Variants in MYO5A observed in about 807,000 individuals in gnomAD.
MYO5A encodes the protein myosin VA, also known as unconventional myosin-Va.
MYO5A carries 98 observed loss-of-function variants against 249.7 expected under a neutral mutation model. That is an observed-to-expected ratio of 0.39 (90% confidence interval 0.33 to 0.46). The LOEUF is 0.46. Ranked by LOEUF, MYO5A falls within the 20% of genes least tolerant of loss-of-function variation. MYO5A has a pLI of 0.98. For synonymous variants in MYO5A, 778 were observed against 810.6 expected (o/e 0.96, Z 0.68); for missense variants, 1,696 against 2,308.8 (o/e 0.73, Z 5.44).
chr15:52,438,675 C>T (rs894968274), intron 1 of MYO5A, among the ~76,000 whole-genome samples: 4 of 152,212 alleles, frequency 2.6e-5, no homozygotes, highest in Non-Finnish European at 5.9e-5. Flanking sequence ...AATCATCTAT[C>T]GCCTAAGAGC....
In MYO5A at chr15:52,345,459, C is replaced by G. The variant is rs2039575216; in HGVS notation, c.3959+902G>C. Among the ~76,000 whole-genome samples the G allele has an allele frequency of 2.6e-5, 4 of 151,896 alleles. No individual in the cohort carries two copies. The South Asian group carries it at 8.3e-4, about 32-fold the overall frequency. ...AATTAGTCGGGTGTGGTGGTGGGCACCTATAATCCCAGCTACTCGAGAGGC... is the reference window on the plus strand; with the variant it reads ...AATTAGTCGGGTGTGGTGGTGGGCAGCTATAATCCCAGCTACTCGAGAGGC... On this transcript the variant is annotated intron_variant, in intron 30 of 41. Coordinates refer to ENST00000399233, the MANE Select transcript of MYO5A (RefSeq NM_001382347.1).
intron 1 of MYO5A, chr15:52,505,988 C>A: frequency 1.2e-6 from 1 of 812,460 alleles, no homozygotes; most frequent in Non-Finnish European, 1.9e-6. Context: ...CTGAGGAGGG[C>A]AGATATCTTG....
chr15:52,371,234 T>C (rs1193799803), intron 21 of MYO5A, among the ~76,000 whole-genome samples: 1 of 152,210 alleles, frequency 6.6e-6, no homozygotes, highest in Non-Finnish European at 1.5e-5. Context: ...CCCATTTCAT[T>C]CTGATCCCTG....
At position 52,323,474 on chromosome 15, in the gene MYO5A, T is replaced by G. The variant is rs201263809; in HGVS notation, c.4711-30A>C. ...AAGAGAGAATAAGTCTAAACTTGCC[T>G]TTTCCTTAGGGAAATAACAACCTAA... On this transcript the variant is annotated intron_variant, in intron 36 of 41. Coordinates refer to ENST00000399233, the MANE Select transcript of MYO5A (RefSeq NM_001382347.1). 214 of 1,561,692 alleles carry G rather than the reference T, an allele frequency of 1.4e-4. No homozygotes were observed. In the East Asian group the frequency reaches 4.7e-3, roughly 34 times the overall value.
At position 52,337,837 on chromosome 15, in the gene MYO5A, A is replaced by T; in HGVS notation, c.4287T>A (p.Tyr1429Ter). 6.5e-7 allele frequency: 1 copy of T among 1,544,698 alleles called. No individual in the cohort carries two copies. The highest frequency in any genetic ancestry group is 8.7e-7 in the Non-Finnish European group (1 of 1,142,882). Residue 1429 changes from tyrosine to a stop codon, truncating the protein, a stop_gained, in exon 33 of 42, where the codon TAT (tyrosine) becomes TAA (stop). Coordinates refer to ENST00000399233, the MANE Select transcript of MYO5A (RefSeq NM_001382347.1). LOFTEE classifies it high-confidence loss of function. Reference sequence around the variant, plus strand: ...TCATCCGTTTGTAAAGGGAAATCCGATATGATTGATACTTCTTAGGGTCAT... The same window carrying T: ...TCATCCGTTTGTAAAGGGAAATCCGTTATGATTGATACTTCTTAGGGTCAT... The part of the protein sequence containing the change: ...YADDPKKYQS[Y>*]RISLYKRMID...
rs989676804 is a variant in MYO5A at position 52,472,891 on chromosome 15, C to G, written c.28-39606G>C. On this transcript the variant is annotated intron_variant, in intron 1 of 41. Coordinates refer to ENST00000399233, the MANE Select transcript of MYO5A (RefSeq NM_001382347.1). ...TCTTTATAGCAGCATGACTTATAATCCTTTGGGTATATACCCAGTAATGGG... is the reference window on the plus strand; with the variant it reads ...TCTTTATAGCAGCATGACTTATAATGCTTTGGGTATATACCCAGTAATGGG... Among the ~76,000 whole-genome samples the G allele has an allele frequency of 3.4e-4, 52 of 152,162 alleles. 1 individual carries two copies. Among genetic ancestry groups the G allele is most frequent in the Admixed American group, 2.6e-3 (39 of 15,278 alleles).
chr15:52,438,278 G>A (rs1458974857), intron 1 of MYO5A, among the ~76,000 whole-genome samples: 2 of 152,188 alleles, frequency 1.3e-5, no homozygotes, highest in East Asian at 3.8e-4. Flanking sequence ...AAGACTGGGG[G>A]AAGGCAGGCA....
At chr15:52,471,022 CA>C (rs55650927) in intron 1 of MYO5A, among the ~76,000 whole-genome samples, 1,973 of 132,712 alleles carry the variant, frequency 0.015, 37 homozygotes, top group African/African-American at 0.049. Flanking sequence ...GACTCCATCT[CA>C]AAAAAAAAAA....
intron 29 of MYO5A, among the ~76,000 whole-genome samples, chr15:52,348,607 C>T (rs973745501): frequency 6.6e-6 from 1 of 152,182 alleles, no homozygotes; most frequent in Non-Finnish European, 1.5e-5. Context: ...ATGGAGTCCC[C>T]TCTATAATCT....
intron 5 of MYO5A, 107 bp downstream of exon 5, chr15:52,416,038 G>C: frequency 2.3e-6 from 3 of 1,297,906 alleles, no homozygotes; most frequent in Non-Finnish European, 3.3e-6. Flanking sequence ...CTTAATTTTA[G>C]TGGCTGGAGA....
intron 9 of MYO5A, among the ~76,000 whole-genome samples, chr15:52,403,132 T>C (rs1420596104): frequency 6.6e-6 from 1 of 152,220 alleles, no homozygotes; most frequent in Admixed American, 6.5e-5. Context: ...AATGAAGTGA[T>C]ATATGTGACA....
chr15:52,390,083 A>C (rs985277756), intron 12 of MYO5A, among the ~76,000 whole-genome samples: 3 of 152,248 alleles, frequency 2.0e-5, no homozygotes, highest in African/African-American at 7.2e-5. Flanking sequence ...GGATCTAAAA[A>C]TTAAAGCAAT....
intron 1 of MYO5A, among the ~76,000 whole-genome samples, chr15:52,459,250 G>A (rs1435757805): frequency 6.8e-6 from 1 of 148,052 alleles, no homozygotes; most frequent in African/African-American, 2.5e-5. Context: ...GTGGTGGGAA[G>A]GTCAGCAGAT....
At chr15:52,412,416 T>C (rs961288035) in intron 5 of MYO5A, among the ~76,000 whole-genome samples, 1 of 152,288 alleles carries the variant, frequency 6.6e-6, no homozygotes, top group South Asian at 2.1e-4. Context: ...AGACAAACAA[T>C]GGTAAAAAGA....
chr15:52,330,741 T>G (rs1448076897), intron 34 of MYO5A, among the ~76,000 whole-genome samples: 2 of 152,210 alleles, frequency 1.3e-5, no homozygotes, highest in Non-Finnish European at 2.9e-5. Flanking sequence ...TCAAATAACC[T>G]TACATGACTC....
intron 7 of MYO5A, 102 bp downstream of exon 7, chr15:52,407,957 T>G: frequency 2.5e-6 from 2 of 806,950 alleles, no homozygotes; most frequent in Non-Finnish European, 4.3e-6. Flanking sequence ...TATCCATAAG[T>G]ATTCCAACAT....
At chr15:52,382,148 C>G (rs1462255432) in intron 16 of MYO5A, among the ~76,000 whole-genome samples, 1 of 152,204 alleles carries the variant, frequency 6.6e-6, no homozygotes, top group Non-Finnish European at 1.5e-5. Flanking sequence ...GGTGATCCAC[C>G]CACCCTGGCC....
intron 21 of MYO5A, 152 bp downstream of exon 21, chr15:52,371,972 G>A (rs1423692966): frequency 5.8e-6 from 6 of 1,029,524 alleles, no homozygotes; most frequent in Non-Finnish European, 7.3e-6. Flanking sequence ...GAGTTCATAA[G>A]TACTTCCATG....
chr15:52,395,281 C>A (rs180695636), intron 11 of MYO5A, among the ~76,000 whole-genome samples: 27 of 152,306 alleles, frequency 1.8e-4, no homozygotes, highest in African/African-American at 6.3e-4. Context: ...ACCTCCTTCC[C>A]GCTCTTCCAC....
Sources: gnomAD v4.1 joint callset for allele counts (sites outside exome capture counted in the v4.1 genomes callset) on GRCh38, gnomAD v4.1.1 for gene constraint, MANE v1.5 for transcripts, NCBI Gene and HGNC (gene_info 2026-07-23, HGNC 2026-07-21) for gene names.